OR9Q1: variants seen among roughly 807,000 people sequenced by gnomAD.
OR9Q1 encodes the protein olfactory receptor family 9 subfamily Q member 1, also known as olfactory receptor 9Q1.
For missense variants in OR9Q1, 374 were observed against 378.8 expected (o/e 0.99, Z 0.11); for synonymous variants, 153 against 148.6 (o/e 1.03, Z -0.22).
intron 2 of OR9Q1, among the ~76,000 whole-genome samples, chr11:58,063,964 C>T (rs1475570340): frequency 1.3e-5 from 2 of 152,134 alleles, no homozygotes; most frequent in East Asian, 1.9e-4. Context: ...TGAGATGATC[C>T]TAGCCTGGGT....
chr11:58,086,774 C>T (rs868717070), intron 2 of OR9Q1, among the ~76,000 whole-genome samples: 10 of 151,740 alleles, frequency 6.6e-5, no homozygotes, highest in Middle Eastern at 3.2e-3. Context: ...AAAAATACCA[C>T]ATTTGTATGT....
intron 2 of OR9Q1, among the ~76,000 whole-genome samples, chr11:58,082,788 T>A: frequency 6.9e-6 from 1 of 144,384 alleles, no homozygotes; most frequent in East Asian, 2.0e-4. Context: ...TAGGTCTTCT[T>A]TTTTTAAAAT....
At chr11:58,131,768 C>T (rs75932654) in intron 2 of OR9Q1, among the ~76,000 whole-genome samples, 9 of 152,220 alleles carry the variant, frequency 5.9e-5, no homozygotes, top group East Asian at 1.9e-4. Context: ...CCAACACTCA[C>T]GAGCTGTCCA....
At chr11:58,029,843 C>T (rs891902694) in intron 1 of OR9Q1, among the ~76,000 whole-genome samples, 3 of 139,138 alleles carry the variant, frequency 2.2e-5, no homozygotes, top group South Asian at 4.6e-4. Flanking sequence ...CTGCCTCCTC[C>T]TTTTTTTTTT....
chr11:58,134,387 C>T (rs1302390022), intron 2 of OR9Q1, among the ~76,000 whole-genome samples: 2 of 152,166 alleles, frequency 1.3e-5, no homozygotes, highest in Middle Eastern at 6.3e-3. Flanking sequence ...CAACCTTTCC[C>T]ATTGGCTCTT....
intron 2 of OR9Q1, among the ~76,000 whole-genome samples, chr11:58,065,831 A>G (rs1853423782): frequency 1.3e-5 from 2 of 152,212 alleles, no homozygotes; most frequent in African/African-American, 4.8e-5. Flanking sequence ...TAGGACTAGA[A>G]CAGACCCTCT....
intron 2 of OR9Q1, among the ~76,000 whole-genome samples, chr11:58,142,630 T>A (rs1306482280): frequency 1.3e-5 from 2 of 152,170 alleles, no homozygotes; most frequent in African/African-American, 4.8e-5. Context: ...CTTTTTCAAA[T>A]TCAGTTTTTG....
intron 2 of OR9Q1, among the ~76,000 whole-genome samples, chr11:58,067,800 C>T (rs1853443832): frequency 6.6e-6 from 1 of 152,180 alleles, no homozygotes; most frequent in Admixed American, 6.5e-5. Flanking sequence ...AAAAAGGACT[C>T]GAGTCTCCTG....
chr11:58,147,885 C>T (rs914658757), intron 2 of OR9Q1, among the ~76,000 whole-genome samples: 1 of 152,138 alleles, frequency 6.6e-6, no homozygotes, highest in Non-Finnish European at 1.5e-5. Flanking sequence ...AAAATAGATT[C>T]TACACATATT....
intron 2 of OR9Q1, among the ~76,000 whole-genome samples, chr11:58,134,844 A>G (rs1183519952): frequency 6.6e-6 from 1 of 152,110 alleles, no homozygotes; most frequent in African/African-American, 2.4e-5. Context: ...ATGTCAATTG[A>G]CCTTTCTGAT....
intron 2 of OR9Q1, among the ~76,000 whole-genome samples, chr11:58,060,788 G>A (rs113738620): frequency 4.4e-5 from 5 of 114,838 alleles, no homozygotes; most frequent in African/African-American, 1.8e-4. Flanking sequence ...ATGAAATTAA[G>A]AGAGCACTTT....
chr11:58,135,022 T>A (rs1590608896), intron 2 of OR9Q1, among the ~76,000 whole-genome samples: 2 of 152,192 alleles, frequency 1.3e-5, no homozygotes, highest in East Asian at 3.9e-4. Context: ...ACTCAATATG[T>A]CACCTCATTT....
intron 2 of OR9Q1, among the ~76,000 whole-genome samples, chr11:58,085,747 T>G (rs1253266068): frequency 6.6e-6 from 1 of 151,900 alleles, no homozygotes; most frequent in Non-Finnish European, 1.5e-5. Context: ...CAATGGGCTC[T>G]TTACTATAGA....
chr11:58,156,738 C>G (rs1854411872), intron 2 of OR9Q1, among the ~76,000 whole-genome samples: 1 of 151,584 alleles, frequency 6.6e-6, no homozygotes, highest in African/African-American at 2.4e-5. Context: ...GATCTATACT[C>G]TCTCTTTCTG....
At chr11:58,074,734 T>C (rs939768190) in intron 2 of OR9Q1, among the ~76,000 whole-genome samples, 1 of 152,156 alleles carries the variant, frequency 6.6e-6, no homozygotes, top group Non-Finnish European at 1.5e-5. Context: ...TTTTTTATGG[T>C]TTTAGGTTTT....
chr11:58,097,229 CATT>C (rs1853740882), intron 2 of OR9Q1, among the ~76,000 whole-genome samples: 1 of 152,104 alleles, frequency 6.6e-6, no homozygotes, highest in Non-Finnish European at 1.5e-5. Flanking sequence ...TTTGTTTATC[CATT>C]ATTCTGTCCA....
At chr11:58,074,549 G>A (rs1853521235) in intron 2 of OR9Q1, among the ~76,000 whole-genome samples, 1 of 151,994 alleles carries the variant, frequency 6.6e-6, no homozygotes, top group African/African-American at 2.4e-5. Context: ...CTCCCATTCT[G>A]TAGTTTGCCT....
intron 2 of OR9Q1, among the ~76,000 whole-genome samples, chr11:58,112,978 C>T (rs1249317317): frequency 6.6e-6 from 1 of 152,074 alleles, no homozygotes; most frequent in African/African-American, 2.4e-5. Flanking sequence ...GACTTATGGA[C>T]ACACAGAACC....
intron 2 of OR9Q1, among the ~76,000 whole-genome samples, chr11:58,138,041 A>C (rs1395124092): frequency 6.6e-6 from 1 of 152,172 alleles, no homozygotes; most frequent in Non-Finnish European, 1.5e-5. Flanking sequence ...TACTTGCTTT[A>C]GTGGCAGCAC....
Sources: gnomAD v4.1 joint callset for allele counts (sites outside exome capture counted in the v4.1 genomes callset) on GRCh38, gnomAD v4.1.1 for gene constraint, MANE v1.5 for transcripts, NCBI Gene and HGNC (gene_info 2026-07-23, HGNC 2026-07-21) for gene names.